Variants in DMXL1 observed in about 807,000 individuals in gnomAD.
DMXL1 encodes the protein dmX-like protein 1.
In DMXL1, 99 loss-of-function variants were observed where a neutral mutation model predicts 319.2. The observed-to-expected ratio is 0.31, with a 90% CI of 0.26 to 0.37. The LOEUF is 0.37. Among genes scored for constraint, DMXL1 ranks in the 10% least tolerant of loss-of-function variants. The pLI is 1.00. For missense variants in DMXL1, 3,745 were observed against 3,595.6 expected, an observed-to-expected ratio of 1.04 and a Z score of -1.06; for synonymous variants, 1,385 against 1,235.2, an observed-to-expected ratio of 1.12 and a Z score of -2.54.
At position 119,148,913 on chromosome 5, in the gene DMXL1, T is replaced by C. The variant is rs1219877103; in HGVS notation, c.3086T>C (p.Leu1029Pro). ...LAYIWEEWPL[L>P]IEDGLQSNSS... Reference sequence around the variant, plus strand: ...TACATTTGGGAAGAATGGCCATTACTTATTGAAGATGGACTTCAGAGCAAT... The same window carrying C: ...TACATTTGGGAAGAATGGCCATTACCTATTGAAGATGGACTTCAGAGCAAT... Residue 1029 changes from leucine to proline, a missense_variant, in exon 18 of 44, where the codon CTT (leucine) becomes CCT (proline). By Grantham distance (98) the Leu-to-Pro change is moderately conservative (BLOSUM62 -3). Transcript: ENST00000539542. The C allele has an allele frequency of 1.2e-6, 2 of 1,613,798 alleles. No homozygotes were observed. The highest frequency in any genetic ancestry group is 1.3e-5 in the African/African-American group (1 of 74,914).
chr5:119,114,826 G>A (rs1760472857), intron 6 of DMXL1, among the ~76,000 whole-genome samples: 2 of 152,026 alleles, frequency 1.3e-5, no homozygotes, highest in African/African-American at 4.8e-5. Flanking sequence ...ACACCACTAT[G>A]CCCGTCTAAT....
chr5:119,187,890 A>G (rs1581219920), intron 28 of DMXL1, among the ~76,000 whole-genome samples: 1 of 152,182 alleles, frequency 6.6e-6, no homozygotes, highest in Admixed American at 6.5e-5. Context: ...TCCTGACCTC[A>G]GGTGATCTGC....
intron 1 of DMXL1, among the ~76,000 whole-genome samples, chr5:119,087,210 G>T (rs1210443477): frequency 2.6e-5 from 4 of 151,390 alleles, no homozygotes; most frequent in African/African-American, 2.4e-5. Context: ...ACAAATTTGG[G>T]TTTGATTTGT....
chr5:119,134,549 C>T (rs1270646803), intron 13 of DMXL1, among the ~76,000 whole-genome samples, 160 bp downstream of exon 13: 3 of 152,170 alleles, frequency 2.0e-5, no homozygotes, highest in Non-Finnish European at 2.9e-5. Flanking sequence ...TGATTTAAAG[C>T]TCCTTTAAAA....
At chr5:119,142,517 TAAAAAAAAAAA>T (rs148846123) in intron 13 of DMXL1, among the ~76,000 whole-genome samples, 3 of 62,286 alleles carry the variant, frequency 4.8e-5, no homozygotes, top group East Asian at 8.4e-4. Flanking sequence ...TATTAAAAAG[TAAAAAAAAAAA>T]AAAAAAAAAA....
chr5:119,210,332 G>A (rs1233598800), intron 34 of DMXL1, among the ~76,000 whole-genome samples: 1 of 152,136 alleles, frequency 6.6e-6, no homozygotes, highest in Non-Finnish European at 1.5e-5. Context: ...TCTTTTGGGT[G>A]TTGTATTTAA....
chr5:119,223,910 C>G (rs1785082952), intron 37 of DMXL1, among the ~76,000 whole-genome samples: 1 of 152,006 alleles, frequency 6.6e-6, no homozygotes, highest in Non-Finnish European at 1.5e-5. Flanking sequence ...TTCTAGAGAA[C>G]TGATAAAATA....
At chr5:119,246,860 T>G (rs892718702) in intron 43 of DMXL1, 135 bp from the exon 44 acceptor site, 3 of 592,012 alleles carry the variant, frequency 5.1e-6, no homozygotes, top group East Asian at 2.8e-5. Flanking sequence ...CTTGAACTCC[T>G]TACCTTAGGT....
chr5:119,207,814 G>A (rs924548491), intron 34 of DMXL1, among the ~76,000 whole-genome samples: 2 of 152,106 alleles, frequency 1.3e-5, no homozygotes, highest in African/African-American at 2.4e-5. Flanking sequence ...GAGCCACCGC[G>A]CCTGGCCAAT....
At chr5:119,163,913 T>C (rs1476656804) in intron 19 of DMXL1, among the ~76,000 whole-genome samples, 2 of 152,124 alleles carry the variant, frequency 1.3e-5, no homozygotes. Flanking sequence ...GGTTTCACCA[T>C]GTTGGCCAGA....
intron 32 of DMXL1, among the ~76,000 whole-genome samples, chr5:119,200,657 G>T (rs906305051): frequency 5.9e-5 from 9 of 152,078 alleles, no homozygotes; most frequent in Admixed American, 5.2e-4. Context: ...AAATTGCTTT[G>T]GGCAATATGG....
At position 119,171,887 on chromosome 5, in the gene DMXL1, A is replaced by G; in HGVS notation, c.6599A>G (p.His2200Arg). Residue 2200 changes from histidine (H) to arginine (R), a missense_variant, in exon 25 of 44, where the codon CAC becomes CGC. By Grantham distance (29) the His-to-Arg change is conservative. Coordinates refer to ENST00000539542, the MANE Select transcript of DMXL1 (RefSeq NM_001290321.3). Reference protein sequence around the residue: ...AKTVVANPLLHLSNLTHDILH... With the variant: ...AKTVVANPLLRLSNLTHDILH... The stretch of plus-strand genomic sequence containing the variant: ...ACAGTAGTTGCCAATCCATTATTGC[A>G]CCTTAGTAATCTGACACATGATATT... 4 of 1,613,906 alleles carry G rather than the reference A, an allele frequency of 2.5e-6. No homozygotes were observed. The highest frequency in any genetic ancestry group is 3.4e-6 in the Non-Finnish European group (4 of 1,179,890).
chr5:119,111,457 C>CT (rs35867798), intron 5 of DMXL1, among the ~76,000 whole-genome samples: 1 of 152,004 alleles, frequency 6.6e-6, no homozygotes, highest in African/African-American at 2.4e-5. Context: ...CCTGTTTTAA[C>CT]TTTTTTTAAA....
chr5:119,109,193 C>T (rs1759026244), intron 4 of DMXL1, among the ~76,000 whole-genome samples: 3 of 152,168 alleles, frequency 2.0e-5, no homozygotes, highest in Admixed American at 1.3e-4. Flanking sequence ...TTGTCTGTCT[C>T]TGGAGTTGTT....
chr5:119,160,820 G>A (rs988170658), intron 19 of DMXL1, among the ~76,000 whole-genome samples: 7 of 152,032 alleles, frequency 4.6e-5, no homozygotes, highest in African/African-American at 1.7e-4. Flanking sequence ...TTTTGTCTAA[G>A]TATAGCTACC....
At chr5:119,117,441 G>A (rs535169967) in intron 7 of DMXL1, among the ~76,000 whole-genome samples, 1 of 152,208 alleles carries the variant, frequency 6.6e-6, no homozygotes, top group African/African-American at 2.4e-5. Context: ...CTGACTAGAT[G>A]TTTTGAGCTA....
intron 1 of DMXL1, among the ~76,000 whole-genome samples, chr5:119,091,192 C>T (rs1187419683): frequency 6.6e-6 from 1 of 151,678 alleles, no homozygotes; most frequent in Non-Finnish European, 1.5e-5. Flanking sequence ...TCATGGTTCC[C>T]TGTTTGCTGC....
chr5:119,213,729 C>T (rs1000122198), intron 34 of DMXL1, among the ~76,000 whole-genome samples: 2 of 152,150 alleles, frequency 1.3e-5, no homozygotes, highest in Non-Finnish European at 1.5e-5. Context: ...ATCACATTCT[C>T]TCTAATTTGG....
In DMXL1 at chr5:119,175,348, T is replaced by G; in HGVS notation, c.6758+11T>G. 2 of 1,589,158 alleles carry G rather than the reference T, an allele frequency of 1.3e-6. No homozygotes were observed. The highest frequency in any genetic ancestry group is 1.7e-6 in the Non-Finnish European group (2 of 1,160,630). ...TAGTCATAACTACAGGTAACTATCT[T>G]TTTATGAAATTTAAGAATGCTTACA... is the stretch of plus-strand genomic sequence containing the variant. On this transcript the variant is annotated intron_variant, in intron 26 of 43. Coordinates refer to ENST00000539542, the MANE Select transcript of DMXL1 (RefSeq NM_001290321.3).
Sources: allele counts gnomAD v4.1 joint callset (sites outside exome capture counted in the v4.1 genomes callset), GRCh38; gene constraint gnomAD v4.1.1; transcripts MANE v1.5; gene names NCBI Gene and HGNC (gene_info 2026-07-23, HGNC 2026-07-21).